The following RFX3 variants were observed in gnomAD, a reference collection of about 807,000 sequenced individuals.
The protein encoded by RFX3 is regulatory factor X3, also known as transcription factor RFX3.
In RFX3, 14 loss-of-function variants were observed where a neutral mutation model predicts 98.6. That is an observed-to-expected ratio of 0.14 (90% CI 0.09 to 0.22). The LOEUF is 0.22. RFX3 is among the 10% of genes least tolerant of loss of function. The pLI, the probability that RFX3 is intolerant of heterozygous loss-of-function variation, is 1.00. For synonymous variants in RFX3, 383 were observed against 328.4 expected, an observed-to-expected ratio of 1.17 and a Z score of -1.80; for missense variants, 639 against 926.9, an observed-to-expected ratio of 0.69 and a Z score of 4.03.
At chr9:3,421,019 C>CA (rs145747158) in intron 1 of RFX3, 17,382 of 180,730 alleles carry the variant, frequency 0.096, 870 homozygotes, top group African/African-American at 0.22. Context: ...TACTATGTGC[C>CA]AAAAAAAAAA....
intron 1 of RFX3, among the ~76,000 whole-genome samples, chr9:3,451,354 T>C (rs1846609590): frequency 1.3e-5 from 2 of 152,146 alleles, no homozygotes; most frequent in South Asian, 4.1e-4. Flanking sequence ...AAGATCAGCC[T>C]AGGCAACATG....
intron 1 of RFX3, among the ~76,000 whole-genome samples, chr9:3,488,021 G>A (rs528458817): frequency 1.8e-3 from 271 of 152,154 alleles, no homozygotes; most frequent in South Asian, 9.1e-3. Flanking sequence ...AATATGAGGC[G>A]TATTATAATT....
intron 1 of RFX3, chr9:3,490,311 T>G (rs1462538711): frequency 4.1e-6 from 4 of 983,996 alleles, no homozygotes; most frequent in Non-Finnish European, 2.4e-6. Flanking sequence ...ACTCAACGTA[T>G]TCTCTACCAT....
Position 3,330,299 on chromosome 9 carries a change from C to G in RFX3, c.434G>C (p.Gly145Ala). Residue 145 changes from glycine to alanine, a missense_variant, in exon 4 of 17, where the codon GGT (glycine) becomes GCT (alanine). Gly to Ala is a moderately conservative substitution (Grantham distance 60). Coordinates refer to ENST00000617270, the MANE Select transcript of RFX3 (RefSeq NM_001282116.2). ...CCGAGTTGTGTGTGTCACTGAGTGACCAGAATTCTCCATTGAGTTGCCGAT... is the reference window on the plus strand; with the variant it reads ...CCGAGTTGTGTGTGTCACTGAGTGAGCAGAATTCTCCATTGAGTTGCCGAT... ...YLIGNSMENS[G>A]HSVTHTTRAS... The G allele has an allele frequency of 6.2e-7, 1 of 1,614,028 alleles. No individual in the cohort carries two copies. The highest frequency in any genetic ancestry group is 8.5e-7 in the Non-Finnish European group (1 of 1,179,976).
At chr9:3,524,168 T>C (rs1047757224) in intron 1 of RFX3, among the ~76,000 whole-genome samples, 7 of 152,158 alleles carry the variant, frequency 4.6e-5, no homozygotes, top group African/African-American at 1.7e-4. Context: ...TATATTTGTT[T>C]TAGCACACAT....
chr9:3,429,226 G>A (rs1413766145), intron 1 of RFX3, among the ~76,000 whole-genome samples: 5 of 150,690 alleles, frequency 3.3e-5, no homozygotes, highest in Non-Finnish European at 7.4e-5. Flanking sequence ...GTTTCACCGT[G>A]TTAGCCAAGA....
At chr9:3,472,000 T>G (rs1848821234) in intron 1 of RFX3, among the ~76,000 whole-genome samples, 1 of 152,238 alleles carries the variant, frequency 6.6e-6, no homozygotes, top group South Asian at 2.1e-4. Context: ...GCTGGCCATG[T>G]GGCCTGATGA....
intron 5 of RFX3, among the ~76,000 whole-genome samples, chr9:3,298,027 A>G (rs908311666): frequency 2.0e-5 from 3 of 151,898 alleles, no homozygotes; most frequent in African/African-American, 7.2e-5. Flanking sequence ...TAAATATTTT[A>G]ATTTCATTTA....
chr9:3,348,194 T>A (rs1834669385), intron 2 of RFX3, among the ~76,000 whole-genome samples: 1 of 152,194 alleles, frequency 6.6e-6, no homozygotes, highest in African/African-American at 2.4e-5. Flanking sequence ...ATAAACAGCA[T>A]CCTGAAATGT....
At chr9:3,502,433 T>A (rs148169221) in intron 1 of RFX3, among the ~76,000 whole-genome samples, 1 of 152,344 alleles carries the variant, frequency 6.6e-6, no homozygotes, top group South Asian at 2.1e-4. Flanking sequence ...CACATCATAT[T>A]ATGAATGCCA....
intron 2 of RFX3, among the ~76,000 whole-genome samples, chr9:3,366,162 T>C (rs1271106099): frequency 2.0e-5 from 3 of 152,106 alleles, no homozygotes; most frequent in Non-Finnish European, 4.4e-5. Context: ...CTGTTGCTCA[T>C]AGCTCACTAT....
chr9:3,313,690 A>G (rs553997368), intron 4 of RFX3, among the ~76,000 whole-genome samples: 1 of 152,366 alleles, frequency 6.6e-6, no homozygotes, highest in East Asian at 1.9e-4. Context: ...GACCTGATGG[A>G]GCTGAAAACC....
chr9:3,278,958 ACTTAATGGAAAAAC>A (rs1738318422), intron 7 of RFX3, among the ~76,000 whole-genome samples: 2 of 151,872 alleles, frequency 1.3e-5, no homozygotes, highest in Admixed American at 6.6e-5. Context: ...CTAATCTTTT[ACTTAATGGAAAAAC>A]CTTCTGGGAG....
At chr9:3,393,119 G>A (rs1840487393) in intron 2 of RFX3, among the ~76,000 whole-genome samples, 2 of 151,980 alleles carry the variant, frequency 1.3e-5, no homozygotes, top group Admixed American at 1.3e-4. Context: ...GCATGCTAAG[G>A]TAATGTTTAA....
At position 3,224,226 on chromosome 9, in the gene RFX3, C is replaced by G. The variant is rs1053513210; in HGVS notation, c.*816G>C. On this transcript the variant is annotated 3_prime_UTR_variant, in exon 17 of 17. Coordinates refer to ENST00000617270, the MANE Select transcript of RFX3 (RefSeq NM_001282116.2). ...TTCAGTATCTAACTATAACAGCCCC[C>G]ACTTAACAGCAGAATGCATCTGTGC... The G allele has an allele frequency of 1.3e-5, 2 of 151,958 alleles. No homozygotes were observed. Among genetic ancestry groups the G allele is most frequent in the Non-Finnish European group, 2.9e-5 (2 of 68,008 alleles). The allele number at this position is 151,958 out of a possible 1,614,324, so 9.4% of individuals were successfully genotyped here. A position where few individuals can be genotyped will look rare whatever the true frequency, so the allele number is the denominator to read the frequency against.
At chr9:3,228,976 A>G in intron 15 of RFX3, 87 bp from the exon 16 acceptor site, 2 of 1,175,798 alleles carry the variant, frequency 1.7e-6, no homozygotes, top group Admixed American at 4.6e-5. Flanking sequence ...ATGCCAATCT[A>G]TGACTCTTTA....
intron 1 of RFX3, among the ~76,000 whole-genome samples, chr9:3,523,929 G>GT (rs1228729587): frequency 1.3e-5 from 2 of 152,014 alleles, no homozygotes; most frequent in East Asian, 1.9e-4. Flanking sequence ...AATTGAAAAA[G>GT]TTTTTTTAAA....
chr9:3,252,709 T>C (rs2131037578), intron 14 of RFX3, among the ~76,000 whole-genome samples: 1 of 152,240 alleles, frequency 6.6e-6, no homozygotes, highest in South Asian at 2.1e-4. Context: ...TTGGATTTCA[T>C]TCTGAGTGTT....
At chr9:3,393,816 G>T (rs981079571) in intron 2 of RFX3, among the ~76,000 whole-genome samples, 7 of 152,092 alleles carry the variant, frequency 4.6e-5, no homozygotes, top group African/African-American at 1.7e-4. Flanking sequence ...AGAGATACTG[G>T]GGACTCTAAA....
Sources: gnomAD v4.1 joint callset for allele counts (sites outside exome capture counted in the v4.1 genomes callset) on GRCh38, gnomAD v4.1.1 for gene constraint, MANE v1.5 for transcripts, NCBI Gene and HGNC (gene_info 2026-07-23, HGNC 2026-07-21) for gene names.